RBFOX1: variants seen among roughly 807,000 people sequenced by gnomAD.
RBFOX1 encodes RNA binding fox-1 homolog 1.
Under a neutral mutation model 57.7 loss-of-function variants are expected in RBFOX1, and 8 were observed. That is an observed-to-expected ratio of 0.14 (90% CI 0.08 to 0.25). The LOEUF (loss-of-function observed/expected upper bound fraction) is 0.25. RBFOX1 is among the 10% of genes least tolerant of loss of function. The probability of loss-of-function intolerance (pLI) is 1.00; values close to 1 mark genes in which losing one functional copy is unlikely to be tolerated. For synonymous variants in RBFOX1, 326 were observed against 222.4 expected, an observed-to-expected ratio of 1.47 and a Z score of -4.15; for missense variants, 611 against 548.5, an observed-to-expected ratio of 1.11 and a Z score of -1.14.
intron 1 of RBFOX1, among the ~76,000 whole-genome samples, chr16:5,271,387 A>C (rs553737093): frequency 6.6e-6 from 1 of 152,150 alleles, no homozygotes; most frequent in African/African-American, 2.4e-5. Flanking sequence ...ATACACATAC[A>C]TACATACCCA....
At chr16:6,223,729 G>T (rs1009444957) in intron 1 of RBFOX1, among the ~76,000 whole-genome samples, 2 of 152,084 alleles carry the variant, frequency 1.3e-5, no homozygotes, top group African/African-American at 4.8e-5. Flanking sequence ...GTCAATTTTG[G>T]CTTTTGTTGC....
intron 3 of RBFOX1, among the ~76,000 whole-genome samples, chr16:7,007,008 T>A (rs2093343906): frequency 6.6e-6 from 1 of 152,170 alleles, no homozygotes; most frequent in African/African-American, 2.4e-5. Flanking sequence ...AACAAATACA[T>A]ATGATCTCAC....
At chr16:6,439,866 C>T (rs2094330828) in intron 2 of RBFOX1, among the ~76,000 whole-genome samples, 1 of 152,116 alleles carries the variant, frequency 6.6e-6, no homozygotes, top group Admixed American at 6.6e-5. Context: ...ATGCAGAAAG[C>T]TGGGCCAATT....
At position 5,893,698 on chromosome 16, in the gene RBFOX1, A is replaced by G. The variant is rs190501256; in HGVS notation, c.351+26363A>G. Among the ~76,000 whole-genome samples the G allele has an allele frequency of 7.4e-4, 113 of 151,964 alleles. 1 individual carries two copies. The highest frequency in any genetic ancestry group is 2.5e-3 in the African/African-American group (103 of 41,450). ...GTGGTTGCTTGTAATCCCGGTTGCT[A>G]TGGAGGCTGAGACATAAGAATTGCT... On this transcript the variant is annotated intron_variant, in intron 4 of 19. Coordinates refer to the RBFOX1 transcript ENST00000641259.
chr16:5,984,215 TC>T (rs1450624542), intron 4 of RBFOX1, among the ~76,000 whole-genome samples: 1 of 127,428 alleles, frequency 7.8e-6, no homozygotes, highest in Admixed American at 8.4e-5. Context: ...CTTCTTCTTC[TC>T]TTCCTCTTCC....
At chr16:5,864,148 T>C (rs926946079) in intron 3 of RBFOX1, among the ~76,000 whole-genome samples, 1 of 152,224 alleles carries the variant, frequency 6.6e-6, no homozygotes, top group Non-Finnish European at 1.5e-5. Context: ...GGTGAGGATA[T>C]GCAGTATTTG....
chr16:6,855,012 C>T (rs972954617), intron 3 of RBFOX1, among the ~76,000 whole-genome samples: 5 of 151,628 alleles, frequency 3.3e-5, no homozygotes, highest in African/African-American at 9.7e-5. Flanking sequence ...TCAGTGCCAC[C>T]TAAGGACAAT....
chr16:6,724,720 AC>A (rs2154167510), intron 3 of RBFOX1, among the ~76,000 whole-genome samples: 1 of 152,214 alleles, frequency 6.6e-6, no homozygotes, highest in Non-Finnish European at 1.5e-5. Context: ...ATATAGGGTA[AC>A]TTTTTTTTTT....
chr16:6,811,943 T>C lies in RBFOX1; in HGVS notation c.-16+157293T>C, dbSNP rs117592119. On this transcript the variant is annotated intron_variant, in intron 3 of 15. Coordinates refer to ENST00000550418, the MANE Select transcript of RBFOX1 (RefSeq NM_018723.4). ...TAAGGCACAGAAAAAAATACTGAAA[T>C]AAGTTGCAGACTGGAATTTCTTACA... Among the ~76,000 whole-genome samples, 1,362 of 152,172 alleles carry C rather than the reference T, an allele frequency of 9.0e-3. 14 individuals carry two copies. Among genetic ancestry groups the C allele is most frequent in the Non-Finnish European group, 0.016 (1,056 of 67,996 alleles).
At chr16:7,029,214 A>G (rs1208333391) in intron 3 of RBFOX1, among the ~76,000 whole-genome samples, 2 of 55,120 alleles carry the variant, frequency 3.6e-5, no homozygotes, top group Non-Finnish European at 7.0e-5. Context: ...GTATACGTAT[A>G]TATATACACA....
At chr16:6,834,005 C>T (rs11641066) in intron 3 of RBFOX1, among the ~76,000 whole-genome samples, 10,241 of 152,158 alleles carry the variant, frequency 0.067, 503 homozygotes, top group Non-Finnish European at 0.11. Context: ...TGTGAGTACA[C>T]TGGGAAGCCA....
At chr16:6,446,177 A>G (rs976976087) in intron 2 of RBFOX1, among the ~76,000 whole-genome samples, 2 of 152,038 alleles carry the variant, frequency 1.3e-5, no homozygotes, top group Non-Finnish European at 2.9e-5. Context: ...TAATTTTCAA[A>G]TTATTCATTA....
chr16:5,373,781 T>C (rs2065917597), intron 1 of RBFOX1, among the ~76,000 whole-genome samples: 1 of 151,980 alleles, frequency 6.6e-6, no homozygotes, highest in South Asian at 2.1e-4. Flanking sequence ...TTTTTGCACT[T>C]TTAATAGAGA....
chr16:6,475,664 C>T (rs984142944), intron 2 of RBFOX1, among the ~76,000 whole-genome samples: 1 of 152,172 alleles, frequency 6.6e-6, no homozygotes, highest in African/African-American at 2.4e-5. Context: ...TATTAGGTGT[C>T]AGGACAAAGA....
intron 3 of RBFOX1, among the ~76,000 whole-genome samples, chr16:5,843,124 G>T (rs1338857922): frequency 8.5e-5 from 13 of 152,176 alleles, no homozygotes; most frequent in Admixed American, 8.5e-4. Context: ...ACCACGCCAG[G>T]CCTATTATTT....
intron 3 of RBFOX1, among the ~76,000 whole-genome samples, chr16:6,669,894 A>C (rs1010816607): frequency 6.6e-6 from 1 of 152,176 alleles, no homozygotes; most frequent in African/African-American, 2.4e-5. Flanking sequence ...TATCATCCTA[A>C]GTAACCGACC....
At chr16:6,286,938 G>A (rs935694889) in intron 1 of RBFOX1, among the ~76,000 whole-genome samples, 2 of 152,138 alleles carry the variant, frequency 1.3e-5, no homozygotes, top group African/African-American at 2.4e-5. Context: ...CTATATAGTG[G>A]TAGAGTTGAC....
At chr16:5,470,115 G>C (rs1215727162) in intron 2 of RBFOX1, among the ~76,000 whole-genome samples, 1 of 152,210 alleles carries the variant, frequency 6.6e-6, no homozygotes, top group Non-Finnish European at 1.5e-5. Flanking sequence ...AGACTCAGCA[G>C]GGTTTCTCCC....
At chr16:7,255,170 A>C (rs577511832) in intron 4 of RBFOX1, among the ~76,000 whole-genome samples, 4 of 152,188 alleles carry the variant, frequency 2.6e-5, no homozygotes, top group Non-Finnish European at 4.4e-5. Context: ...GATAGTTTCT[A>C]TTTTAGACAA....
Sources: allele counts gnomAD v4.1 joint callset (sites outside exome capture counted in the v4.1 genomes callset), GRCh38; gene constraint gnomAD v4.1.1; transcripts MANE v1.5; gene names NCBI Gene and HGNC (gene_info 2026-07-23, HGNC 2026-07-21).